Variants in PTPRS observed in about 807,000 individuals in gnomAD.
PTPRS encodes receptor-type tyrosine-protein phosphatase S.
A neutral mutation model predicts 215.3 loss-of-function variants in PTPRS; 63 were observed. The ratio of observed to expected loss-of-function variants is 0.29; its 90% CI spans 0.24 to 0.36. PTPRS has a LOEUF of 0.36. PTPRS is among the 10% of genes least tolerant of loss of function. The pLI, the probability that PTPRS is intolerant of heterozygous loss-of-function variation, is 1.00. For missense variants in PTPRS, 2,258 were observed against 2,825.8 expected (o/e 0.80, Z 4.56); for synonymous variants, 1,404 against 1,191.4 (o/e 1.18, Z -3.68).
chr19:5,278,097 C>T (rs1406973195), intron 2 of PTPRS: 5 of 760,240 alleles, frequency 6.6e-6, no homozygotes, highest in African/African-American at 1.8e-5. Context: ...GTCAGAGTCA[C>T]CAACCCCAAT....
intron 1 of PTPRS, among the ~76,000 whole-genome samples, chr19:5,305,732 A>AAAT (rs2049461197): frequency 9.2e-6 from 1 of 108,234 alleles, no homozygotes; most frequent in Non-Finnish European, 1.8e-5. Flanking sequence ...CCGTCTCTGA[A>AAAT]AAATAAATAA....
intron 2 of PTPRS, among the ~76,000 whole-genome samples, chr19:5,283,022 A>G (rs1385076095): frequency 6.6e-6 from 1 of 152,232 alleles, no homozygotes; most frequent in Non-Finnish European, 1.5e-5. Flanking sequence ...AAAGCTGGAA[A>G]GGGAACCCAG....
chr19:5,299,853 A>G (rs887004412), intron 1 of PTPRS, among the ~76,000 whole-genome samples: 1 of 151,866 alleles, frequency 6.6e-6, no homozygotes, highest in African/African-American at 2.4e-5. Context: ...CTGGGCAACA[A>G]GAGTGAAACT....
chr19:5,336,266 G>GGT (rs2050498728), intron 1 of PTPRS, among the ~76,000 whole-genome samples: 1 of 135,856 alleles, frequency 7.4e-6, no homozygotes, highest in African/African-American at 2.8e-5. Flanking sequence ...AAGGAAAAGG[G>GGT]GGGGGGGCGG....
At chr19:5,318,280 G>C (rs1568611239) in intron 1 of PTPRS, among the ~76,000 whole-genome samples, 1 of 151,864 alleles carries the variant, frequency 6.6e-6, no homozygotes, top group Non-Finnish European at 1.5e-5. Flanking sequence ...GGCGGAGGTT[G>C]CAGTGAGCAA....
Position 5,216,260 on chromosome 19 carries a change from G to C in PTPRS, c.4096+460C>G, listed in dbSNP as rs1261683028. On this transcript the variant is annotated intron_variant, in intron 26 of 37. Transcript: ENST00000262963. ...CCTAGGATGGCTGCCGAAGGTGCTG[G>C]GTGTGGGCTCGGTTCTCCCTTCCCG... Among the ~76,000 whole-genome samples, 3 of 152,098 alleles carry C rather than the reference G, an allele frequency of 2.0e-5. No homozygotes were observed. In the South Asian group the frequency reaches 6.2e-4, roughly 31 times the overall value.
chr19:5,281,612 G>T (rs1355846003), intron 2 of PTPRS, among the ~76,000 whole-genome samples: 1 of 152,164 alleles, frequency 6.6e-6, no homozygotes, highest in East Asian at 1.9e-4. Context: ...GCTCCACATT[G>T]AGGCTGGGGC....
intron 1 of PTPRS, among the ~76,000 whole-genome samples, chr19:5,334,752 C>T (rs1052990491): frequency 6.6e-6 from 1 of 152,216 alleles, no homozygotes; most frequent in East Asian, 1.9e-4. Context: ...TGGCAGCCAA[C>T]AGCTTGTGGG....
At chr19:5,253,484 C>G (rs1339757092) in intron 9 of PTPRS, among the ~76,000 whole-genome samples, 1 of 152,168 alleles carries the variant, frequency 6.6e-6, no homozygotes, top group East Asian at 1.9e-4. Context: ...TACTTATCTG[C>G]AAGGGTAGCC....
Position 5,294,856 on chromosome 19 carries a change from G to A in PTPRS, c.-94-8622C>T, listed in dbSNP as rs947532411. Among the ~76,000 whole-genome samples the A allele has an allele frequency of 6.6e-5, 10 of 152,214 alleles. No individual in the cohort carries two copies. The highest frequency in any genetic ancestry group is 6.5e-4 in the Admixed American group (10 of 15,286). On this transcript the variant is annotated intron_variant, in intron 1 of 37. Coordinates refer to ENST00000262963, the MANE Select transcript of PTPRS (RefSeq NM_002850.4). This position sits in a 1 kb window ranked among gnomAD's most constrained non-coding sequence, Gnocchi z 5.1. Reference sequence around the variant, plus strand: ...CTGCCCCTTTGACACAGAGCACACAGGAGGTGCTAAACACAGGATGCCGTG... The same window carrying A: ...CTGCCCCTTTGACACAGAGCACACAAGAGGTGCTAAACACAGGATGCCGTG...
chr19:5,271,278 A>C (rs2046883777), intron 4 of PTPRS, among the ~76,000 whole-genome samples: 1 of 152,238 alleles, frequency 6.6e-6, no homozygotes, highest in Non-Finnish European at 1.5e-5. Context: ...TGATGAACAC[A>C]GTAACGGGGA....
chr19:5,227,862 C>T (rs1055815845), intron 16 of PTPRS, among the ~76,000 whole-genome samples: 1 of 152,032 alleles, frequency 6.6e-6, no homozygotes, highest in African/African-American at 2.4e-5. Context: ...AGAACACTCC[C>T]GGGCACGCGG....
chr19:5,216,770 G>A lies in PTPRS; in HGVS notation c.4049-3C>T, dbSNP rs1448976462. The A allele has an allele frequency of 1.3e-6, 2 of 1,556,246 alleles. No individual in the cohort carries two copies. The highest frequency in any genetic ancestry group is 1.9e-5 in the Admixed American group (1 of 53,310). On this transcript the variant is annotated splice_region_variant and splice_polypyrimidine_tract_variant and intron_variant, in intron 25 of 37. Transcript: ENST00000262963. ...GAGGGGGCTCCTGAGGCCTGAATCT[G>A]CAAACAGCAAACAATAAATAAATGA... is the stretch of plus-strand genomic sequence containing the variant.
intron 1 of PTPRS, among the ~76,000 whole-genome samples, chr19:5,290,352 T>C (rs1397464937): frequency 2.0e-5 from 3 of 152,206 alleles, no homozygotes; most frequent in Admixed American, 2.0e-4. Flanking sequence ...CTCTGGCCAC[T>C]GCGAGATCTC....
chr19:5,212,711 T>C (rs12976338), intron 30 of PTPRS, among the ~76,000 whole-genome samples: 19,859 of 152,062 alleles, frequency 0.13, 2,032 homozygotes, highest in African/African-American at 0.29. Flanking sequence ...GGCATGGTGG[T>C]GCATGCCTGT....
At chr19:5,212,621 A>G (rs1280483155) in intron 30 of PTPRS, 130 bp from the exon 31 acceptor site, 2 of 1,077,048 alleles carry the variant, frequency 1.9e-6, no homozygotes, top group Admixed American at 4.5e-5. Context: ...AGGTGGGCGG[A>G]TCACCTGAGG....
Position 5,222,173 on chromosome 19 carries a change from G to C in PTPRS, c.3151C>G (p.Leu1051Val), listed in dbSNP as rs146080105. 6.2e-6 allele frequency: 10 copies of C among 1,613,964 alleles called. No homozygotes were observed. The Admixed American group carries it at 1.2e-4, about 19-fold the overall frequency. ...KVKMIMKTSV[L>V]LSWEFPDNYN... is the part of the protein sequence containing the mutation. ...TTGTCAGGGAACTCCCAGCTGAGCA[G>C]AACTGATGTCTTCATGATCATTTTC... The change falls in exon 19 of 38, where the codon CTG becomes GTG. Residue 1051 changes from leucine to valine, a missense_variant. Transcript: ENST00000262963.
At chr19:5,232,952 G>A (rs555833778) in intron 13 of PTPRS, among the ~76,000 whole-genome samples, 1 of 147,108 alleles carries the variant, frequency 6.8e-6, no homozygotes, top group East Asian at 2.1e-4. Context: ...CACCTAGTAT[G>A]TGCCTGGCGC....
chr19:5,310,231 G>C (rs1471766212), intron 1 of PTPRS, among the ~76,000 whole-genome samples: 1 of 151,912 alleles, frequency 6.6e-6, no homozygotes, highest in Non-Finnish European at 1.5e-5. Context: ...TTACTGAAAT[G>C]TCACCTCTTC....
Sources: allele counts gnomAD v4.1 joint callset (sites outside exome capture counted in the v4.1 genomes callset), GRCh38; gene constraint gnomAD v4.1.1; non-coding constraint Gnocchi (gnomAD v3.1); transcripts MANE v1.5; gene names NCBI Gene and HGNC (gene_info 2026-07-23, HGNC 2026-07-21).